The following PPIC variants were observed in gnomAD, a reference collection of about 807,000 sequenced individuals.
PPIC encodes the protein peptidylprolyl isomerase C.
Under a neutral mutation model 19.5 loss-of-function variants are expected in PPIC, and 19 were observed. The ratio of observed to expected loss-of-function variants is 0.98; its 90% CI spans 0.68 to 1.43. PPIC has a LOEUF of 1.43. Ranked by LOEUF, PPIC falls within the 40% of genes most tolerant of loss-of-function variation. The pLI, the probability that PPIC is intolerant of heterozygous loss-of-function variation, is 0.00. For missense variants in PPIC, 268 were observed against 268.6 expected, an observed-to-expected ratio of 1.00 and a Z score of 0.02; for synonymous variants, 107 against 101.2, an observed-to-expected ratio of 1.06 and a Z score of -0.34.
In PPIC at chr5:123,023,874, G is replaced by A; in HGVS notation, c.*1C>T. On this transcript the variant is annotated 3_prime_UTR_variant, in exon 5 of 5. Coordinates refer to ENST00000306442, the MANE Select transcript of PPIC (RefSeq NM_000943.5). ...CATATCCTTGTTTTCTGCCAGTTGT[G>A]TCACCAATCAGCGATCTCAACCACA... is the stretch of plus-strand genomic sequence containing the variant. 6.2e-7 allele frequency: 1 copy of A among 1,610,192 alleles called. No individual in the cohort carries two copies. Among genetic ancestry groups the A allele is most frequent in the South Asian group, 1.1e-5 (1 of 90,970 alleles).
chr5:123,029,181 TA>T, intron 2 of PPIC, 123 bp downstream of exon 2: 1 of 1,536,148 alleles, frequency 6.5e-7, no homozygotes, highest in Non-Finnish European at 8.8e-7. Flanking sequence ...AATTGGAAAA[TA>T]AAGTCAAATG....
chr5:123,030,746 G>A (rs1028599020), intron 1 of PPIC, among the ~76,000 whole-genome samples: 2 of 152,188 alleles, frequency 1.3e-5, no homozygotes, highest in Admixed American at 1.3e-4. Flanking sequence ...ACACACCCAT[G>A]GGCCTGGTCA....
chr5:123,033,848 T>C (rs543917336), intron 1 of PPIC, among the ~76,000 whole-genome samples: 47 of 152,370 alleles, frequency 3.1e-4, no homozygotes, highest in South Asian at 1.5e-3. Flanking sequence ...GGTGGCATTA[T>C]TTCATACACT....
chr5:123,036,480 G>A lies in PPIC; in HGVS notation c.117+29C>T, dbSNP rs1308147198. The A allele has an allele frequency of 1.9e-6, 3 of 1,577,414 alleles. No homozygotes were observed. The highest frequency in any genetic ancestry group is 2.6e-6 in the Non-Finnish European group (3 of 1,154,376). On this transcript the variant is annotated intron_variant, in intron 1 of 4. Transcript: ENST00000306442. This position sits in a 1 kb window ranked among gnomAD's most constrained non-coding sequence, Gnocchi z 4.5. ...CCCCCAGGGCCCCGCCCGCAACAGG[G>A]GAAGTTGCAGCCCGCCGCTCTCGGT...
chr5:123,024,533 C>A (rs544903988), intron 4 of PPIC, among the ~76,000 whole-genome samples: 9 of 152,194 alleles, frequency 5.9e-5, no homozygotes, highest in Non-Finnish European at 1.0e-4. Flanking sequence ...TAACCCCAGC[C>A]CCCCACAGTG....
chr5:123,025,752 A>C, intron 4 of PPIC, 32 bp downstream of exon 4: 1 of 1,589,620 alleles, frequency 6.3e-7, no homozygotes, highest in Non-Finnish European at 8.6e-7. Flanking sequence ...AAAAATATAA[A>C]GCTTTGAAAG....
intron 1 of PPIC, among the ~76,000 whole-genome samples, chr5:123,032,719 T>G (rs1013472234): frequency 6.6e-6 from 1 of 152,112 alleles, no homozygotes; most frequent in Non-Finnish European, 1.5e-5. Flanking sequence ...AACACATATA[T>G]GAATGCTATA....
chr5:123,029,636 CCCATGGG>C (rs1257084422), intron 1 of PPIC, among the ~76,000 whole-genome samples: 8 of 152,180 alleles, frequency 5.3e-5, no homozygotes, highest in African/African-American at 1.4e-4. Flanking sequence ...TTAAGCACCA[CCCATGGG>C]CCAGGCACTG....
At chr5:123,027,785 T>C (rs1762882175) in intron 3 of PPIC, among the ~76,000 whole-genome samples, 2 of 152,184 alleles carry the variant, frequency 1.3e-5, no homozygotes, top group Admixed American at 1.3e-4. Context: ...AAACCAGTAT[T>C]TGTTGAATTA....
intron 4 of PPIC, among the ~76,000 whole-genome samples, chr5:123,025,180 C>T (rs1336494296): frequency 6.6e-6 from 1 of 152,026 alleles, no homozygotes; most frequent in Non-Finnish European, 1.5e-5. Flanking sequence ...TAAAATGTGC[C>T]ATCTTACTCA....
chr5:123,027,901 T>C (rs1222701140), intron 3 of PPIC, among the ~76,000 whole-genome samples: 1 of 152,224 alleles, frequency 6.6e-6, no homozygotes, highest in Admixed American at 6.5e-5. Context: ...TGGAGCTGGA[T>C]AGCTATAATC....
chr5:123,028,874 G>C lies in PPIC; in HGVS notation c.232-6C>G. 1.3e-6 allele frequency: 2 copies of C among 1,589,304 alleles called. No homozygotes were observed. Among genetic ancestry groups the C allele is most frequent in the Non-Finnish European group, 1.7e-6 (2 of 1,158,028 alleles). On this transcript the variant is annotated splice_region_variant and splice_polypyrimidine_tract_variant and intron_variant, in intron 2 of 4. Transcript: ENST00000306442. ...CCTTTATATCCATATCCTTTCTAAA[G>C]AGATTACTTCAGTTGAATAACAAGT...
chr5:123,034,943 C>T (rs531812602), intron 1 of PPIC, among the ~76,000 whole-genome samples: 1 of 152,166 alleles, frequency 6.6e-6, no homozygotes, highest in Non-Finnish European at 1.5e-5. Flanking sequence ...GAGATCATGC[C>T]ATTCTTATGC....
At chr5:123,029,507 C>A (rs1009745721) in intron 1 of PPIC, 89 bp from the exon 2 acceptor site, 3 of 1,456,442 alleles carry the variant, frequency 2.1e-6, no homozygotes, top group African/African-American at 2.8e-5. Flanking sequence ...GAGAATTGAC[C>A]CACATACAAA....
In PPIC at chr5:123,023,626, T is replaced by G. The variant is rs1762797613; in HGVS notation, c.*249A>C. The G allele has an allele frequency of 2.7e-6, 1 of 364,820 alleles. No individual in the cohort carries two copies. The highest frequency in any genetic ancestry group is 4.4e-6 in the Non-Finnish European group (1 of 229,630). The allele number at this position is 364,820 out of a possible 1,614,324, so 22.6% of individuals were successfully genotyped here. Reference sequence around the variant, plus strand: ...ATAGCCAATTCAAAGTTTTTTTTAGTTTTAAAATAGCACCACTTGAGGAAG... The same window carrying G: ...ATAGCCAATTCAAAGTTTTTTTTAGGTTTAAAATAGCACCACTTGAGGAAG... On this transcript the variant is annotated 3_prime_UTR_variant, in exon 5 of 5. Transcript: ENST00000306442.
intron 1 of PPIC, among the ~76,000 whole-genome samples, chr5:123,033,861 C>T (rs1389014708): frequency 3.9e-5 from 6 of 152,212 alleles, no homozygotes; most frequent in Admixed American, 6.5e-5. Flanking sequence ...CATACACTCC[C>T]GATGCCGGAT....
At chr5:123,028,603 C>T (rs1207623217) in intron 3 of PPIC, 172 bp downstream of exon 3, 2 of 513,252 alleles carry the variant, frequency 3.9e-6, no homozygotes, top group Non-Finnish European at 7.0e-6. Flanking sequence ...CTCCCTCATA[C>T]CTGTCGAGAT....
In PPIC at chr5:123,028,877, A is replaced by T. The variant is rs1762901977; in HGVS notation, c.232-9T>A. On this transcript the variant is annotated splice_polypyrimidine_tract_variant and intron_variant, in intron 2 of 4. Coordinates refer to ENST00000306442, the MANE Select transcript of PPIC (RefSeq NM_000943.5). ...TTATATCCATATCCTTTCTAAAGAG[A>T]TTACTTCAGTTGAATAACAAGTAAC... is the stretch of plus-strand genomic sequence containing the variant. The T allele has an allele frequency of 6.3e-7, 1 of 1,583,990 alleles. No homozygotes were observed. The highest frequency in any genetic ancestry group is 8.7e-7 in the Non-Finnish European group (1 of 1,153,464).
chr5:123,033,415 T>C lies in PPIC; in HGVS notation c.117+3094A>G, dbSNP rs1420701247. Among the ~76,000 whole-genome samples, 4 of 152,212 alleles carry C rather than the reference T, an allele frequency of 2.6e-5. No individual in the cohort carries two copies. In the East Asian group the frequency reaches 7.8e-4, roughly 30 times the overall value. ...TCACTTTGTTAGTTCCCATGAGAACTGGTTTTAAAAGGAAGCTGGCACCAC... is the reference window on the plus strand; with the variant it reads ...TCACTTTGTTAGTTCCCATGAGAACCGGTTTTAAAAGGAAGCTGGCACCAC... On this transcript the variant is annotated intron_variant, in intron 1 of 4. Coordinates refer to ENST00000306442, the MANE Select transcript of PPIC (RefSeq NM_000943.5).
Sources: allele counts gnomAD v4.1 joint callset (sites outside exome capture counted in the v4.1 genomes callset), GRCh38; gene constraint gnomAD v4.1.1; non-coding constraint Gnocchi (gnomAD v3.1); transcripts MANE v1.5; gene names NCBI Gene and HGNC (gene_info 2026-07-23, HGNC 2026-07-21).